The following ZNF385D variants were observed in gnomAD, a reference collection of about 807,000 sequenced individuals.
The protein encoded by ZNF385D is zinc finger protein 659.
ZNF385D carries 15 observed loss-of-function variants against 35.8 expected under a neutral mutation model. That is an observed-to-expected ratio of 0.42 (90% confidence interval 0.28 to 0.64). The LOEUF is 0.64. Ranked by LOEUF, ZNF385D falls within the 30% of genes least tolerant of loss-of-function variation. ZNF385D has a pLI of 0.23. For missense variants in ZNF385D, 474 were observed against 494.6 expected, an observed-to-expected ratio of 0.96 and a Z score of 0.39; for synonymous variants, 212 against 186.8, an observed-to-expected ratio of 1.13 and a Z score of -1.10.
chr3:22,202,069 G>C (rs2125244422), intron 2 of ZNF385D, among the ~76,000 whole-genome samples: 1 of 151,976 alleles, frequency 6.6e-6, no homozygotes, highest in Admixed American at 6.6e-5. Context: ...CAGGAAACTG[G>C]GAAGTTGGAG....
intron 2 of ZNF385D, among the ~76,000 whole-genome samples, chr3:21,623,313 T>C (rs2065055738): frequency 6.6e-6 from 1 of 152,154 alleles, no homozygotes; most frequent in South Asian, 2.1e-4. Flanking sequence ...GACACTTTTA[T>C]TACACATTAA....
intron 4 of ZNF385D, chr3:21,441,808 AT>A: frequency 4.5e-6 from 4 of 884,098 alleles, no homozygotes; most frequent in Non-Finnish European, 5.4e-6. Flanking sequence ...GCTGATTCAG[AT>A]TTCTTTGCAC....
chr3:21,840,186 G>C lies in ZNF385D; in HGVS notation c.326-175158C>G, dbSNP rs1695573938. Reference sequence around the variant, plus strand: ...CTGAATTTGTATTTCAGTGACAACAGAGGGTATACATGCATTCAAAAGTAG... The same window carrying C: ...CTGAATTTGTATTTCAGTGACAACACAGGGTATACATGCATTCAAAAGTAG... On this transcript the variant is annotated intron_variant, in intron 3 of 5. Coordinates refer to the ZNF385D transcript ENST00000494108. 1.3e-5 allele frequency among the ~76,000 whole-genome samples: 2 copies of C among 152,014 alleles called. 1 individual carries two copies. The highest frequency in any genetic ancestry group is 4.1e-4 in the South Asian group (2 of 4,834).
chr3:21,747,271 CA>C (rs1173785749), intron 1 of ZNF385D, among the ~76,000 whole-genome samples: 3 of 152,156 alleles, frequency 2.0e-5, no homozygotes, highest in African/African-American at 7.2e-5. Flanking sequence ...TTAATAGGAA[CA>C]TTTAGGGAGA....
At chr3:22,087,871 G>A (rs1421821642) in intron 3 of ZNF385D, among the ~76,000 whole-genome samples, 3 of 152,128 alleles carry the variant, frequency 2.0e-5, no homozygotes, top group Non-Finnish European at 4.4e-5. Context: ...GTATTAAAGG[G>A]ATAATAGTTT....
intron 2 of ZNF385D, among the ~76,000 whole-genome samples, chr3:21,576,076 T>C (rs1011540272): frequency 6.6e-6 from 1 of 152,196 alleles, no homozygotes; most frequent in Non-Finnish European, 1.5e-5. Flanking sequence ...ACTCTACAAC[T>C]GCAAACCACC....
At chr3:22,256,787 T>C (rs1220065279) in intron 2 of ZNF385D, among the ~76,000 whole-genome samples, 2 of 151,928 alleles carry the variant, frequency 1.3e-5, no homozygotes, top group Admixed American at 1.3e-4. Context: ...CTTGTTGCTA[T>C]CACCATTCTT....
intron 3 of ZNF385D, among the ~76,000 whole-genome samples, chr3:21,805,837 T>C (rs1321913174): frequency 6.6e-6 from 1 of 152,166 alleles, no homozygotes; most frequent in Non-Finnish European, 1.5e-5. Flanking sequence ...GCTTCGAGCA[T>C]GGGATCTCAT....
intron 2 of ZNF385D, among the ~76,000 whole-genome samples, chr3:22,355,117 C>T (rs148622932): frequency 2.8e-3 from 425 of 152,082 alleles, no homozygotes; most frequent in African/African-American, 9.9e-3. Context: ...GATGTATTTT[C>T]TGCCATATCA....
intron 3 of ZNF385D, among the ~76,000 whole-genome samples, chr3:22,118,133 G>C (rs1417820029): frequency 6.6e-6 from 1 of 151,980 alleles, no homozygotes. Flanking sequence ...TAATTATGAA[G>C]TAAAATAAAT....
chr3:22,071,909 G>A (rs1358904917), intron 3 of ZNF385D, among the ~76,000 whole-genome samples: 1 of 151,948 alleles, frequency 6.6e-6, no homozygotes, highest in Non-Finnish European at 1.5e-5. Context: ...GTAAATCAAA[G>A]ATTATTAATA....
chr3:22,000,303 TC>T (rs1380285097), intron 3 of ZNF385D, among the ~76,000 whole-genome samples: 2 of 79,558 alleles, frequency 2.5e-5, no homozygotes, highest in Non-Finnish European at 4.9e-5. Flanking sequence ...AGACTCCATC[TC>T]AAAAAAAAAA....
rs183848953 is a variant in ZNF385D, at chr3:22,181,085, T to C, written c.107-12050A>G. Among the ~76,000 whole-genome samples the C allele has an allele frequency of 1.4e-4, 22 of 152,188 alleles. No individual in the cohort carries two copies. In the East Asian group the frequency reaches 3.7e-3, roughly 25 times the overall value. On this transcript the variant is annotated intron_variant, in intron 2 of 5. Coordinates refer to the ZNF385D transcript ENST00000494108. ...CCTAGTCTTTTTGTAATATAGACTT[T>C]CTTATATTATCTGCAACCAGTTTTT...
At chr3:21,634,425 CTTTTTCATAATAAAAA>C (rs1267278268) in intron 2 of ZNF385D, among the ~76,000 whole-genome samples, 1 of 151,850 alleles carries the variant, frequency 6.6e-6, no homozygotes, top group Non-Finnish European at 1.5e-5. Context: ...AATGGCTTTT[CTTTTTCATAATAAAAA>C]TAAGCCATAA....
chr3:21,737,844 C>T (rs562712141), intron 1 of ZNF385D, among the ~76,000 whole-genome samples: 1 of 152,310 alleles, frequency 6.6e-6, no homozygotes, highest in South Asian at 2.1e-4. Context: ...AAGACTGTTG[C>T]TCCATTTGGA....
At chr3:21,882,063 T>C (rs949102241) in intron 3 of ZNF385D, among the ~76,000 whole-genome samples, 10 of 152,012 alleles carry the variant, frequency 6.6e-5, no homozygotes, top group Admixed American at 3.9e-4. Context: ...GCTTTGAACA[T>C]TGTTTGAAAT....
chr3:21,952,418 C>G (rs1702107109), intron 3 of ZNF385D, among the ~76,000 whole-genome samples: 1 of 151,898 alleles, frequency 6.6e-6, no homozygotes, highest in East Asian at 1.9e-4. Context: ...CAACATGATA[C>G]AAAATTGTTT....
intron 3 of ZNF385D, among the ~76,000 whole-genome samples, chr3:22,081,963 G>C (rs941935625): frequency 1.2e-4 from 18 of 147,906 alleles, no homozygotes; most frequent in African/African-American, 4.2e-4. Flanking sequence ...TCTAAAGGCA[G>C]TTACTTATTT....
chr3:22,367,627 TC>T (rs1317397118), intron 2 of ZNF385D, among the ~76,000 whole-genome samples: 17 of 152,196 alleles, frequency 1.1e-4, no homozygotes, highest in South Asian at 2.1e-4. Context: ...TTCTGGAGTT[TC>T]CTGTGTTATT....
Sources: gnomAD v4.1 joint callset for allele counts (sites outside exome capture counted in the v4.1 genomes callset) on GRCh38, gnomAD v4.1.1 for gene constraint, MANE v1.5 for transcripts, NCBI Gene and HGNC (gene_info 2026-07-23, HGNC 2026-07-21) for gene names.